TG: variants seen among roughly 807,000 people sequenced by gnomAD.
The protein encoded by TG is thyroid hormones.
Under a neutral mutation model 324.7 loss-of-function variants are expected in TG, and 270 were observed. The observed-to-expected ratio is 0.83, with a 90% CI of 0.75 to 0.92. The LOEUF (loss-of-function observed/expected upper bound fraction) is 0.92, where lower values mean the gene tolerates loss of function less well. Among genes scored for constraint, TG ranks in the 40% least tolerant of loss-of-function variants. The pLI is 0.00. For synonymous variants in TG, 1,401 were observed against 1,327.0 expected, an observed-to-expected ratio of 1.06 and a Z score of -1.21; for missense variants, 3,591 against 3,456.4, an observed-to-expected ratio of 1.04 and a Z score of -0.98.
intron 43 of TG, among the ~76,000 whole-genome samples, chr8:133,097,143 G>A (rs926199673): frequency 4.6e-5 from 7 of 152,214 alleles, no homozygotes; most frequent in Non-Finnish European, 7.3e-5. Context: ...ACCTTCCCCT[G>A]CACATGCATG....
At chr8:133,100,116 A>G (rs1324139149) in intron 43 of TG, among the ~76,000 whole-genome samples, 1 of 152,140 alleles carries the variant, frequency 6.6e-6, no homozygotes, top group Non-Finnish European at 1.5e-5. Context: ...CTCTTGGCTC[A>G]CTGGTTTATC....
intron 18 of TG, among the ~76,000 whole-genome samples, chr8:132,909,327 G>A (rs1409217849): frequency 6.6e-6 from 1 of 152,202 alleles, no homozygotes; most frequent in Admixed American, 6.5e-5. Context: ...TGGGAAGATG[G>A]AGGTGTTGAG....
chr8:132,898,808 C>T lies in TG; in HGVS notation c.3228C>T (p.Thr1076=). The change falls in exon 14 of 48, where the codon ACC becomes ACT. Residue 1076 remains threonine, a synonymous_variant. Coordinates refer to ENST00000220616, the MANE Select transcript of TG (RefSeq NM_003235.5). ...RSLQIPQCPT[T]CEKSRTSGLL... ...CTCTCTCTCCCACAGGCCCGACAAC[C>T]TGCGAGAAATCTCGAACCAGTGGGC... is the stretch of plus-strand genomic sequence containing the variant. 6.2e-7 allele frequency: 1 copy of T among 1,614,140 alleles called. No homozygotes were observed. The highest frequency in any genetic ancestry group is 8.5e-7 in the Non-Finnish European group (1 of 1,180,012).
chr8:133,016,490 G>A (rs72727491), intron 37 of TG, among the ~76,000 whole-genome samples: 5,453 of 152,242 alleles, frequency 0.036, 149 homozygotes, highest in Middle Eastern at 0.061. Context: ...AAGCTCCTGC[G>A]GAGTAGATGG....
At chr8:132,877,724 G>T (rs1814031475) in intron 5 of TG, among the ~76,000 whole-genome samples, 1 of 152,166 alleles carries the variant, frequency 6.6e-6, no homozygotes, top group Non-Finnish European at 1.5e-5. Context: ...GCTAGCATTT[G>T]CTTTCTTGAG....
rs761550779 is a variant in TG, at chr8:132,887,142, T to C, written c.1770T>C (p.Asp590=). ...FLQHAISVPE[D]VARDLGDVME... is the part of the protein sequence containing the mutation. ...AACATGCTATCTCTGTGCCAGAAGA[T>C]GTGGCAAGAGATTTAGGTGATGTGA... is the stretch of plus-strand genomic sequence containing the variant. Residue 590 remains aspartate (D), a synonymous_variant, in exon 9 of 48, where the codon GAT becomes GAC. Coordinates refer to ENST00000220616, the MANE Select transcript of TG (RefSeq NM_003235.5). The C allele has an allele frequency of 1.2e-6, 2 of 1,614,168 alleles. No homozygotes were observed. The highest frequency in any genetic ancestry group is 1.7e-6 in the Non-Finnish European group (2 of 1,180,020).
At chr8:132,941,567 G>T in intron 26 of TG, 25 bp downstream of exon 26, 2 of 1,613,960 alleles carry the variant, frequency 1.2e-6, no homozygotes, top group Non-Finnish European at 1.7e-6. Context: ...GAGGGCCAGG[G>T]CCTAACAAGG....
chr8:133,038,771 GAA>G (rs752784424), intron 41 of TG: 1 of 1,454,426 alleles, frequency 6.9e-7, no homozygotes, highest in Non-Finnish European at 9.6e-7. Flanking sequence ...TAGAGAAAGG[GAA>G]AAAAAGAGAG....
intron 20 of TG, among the ~76,000 whole-genome samples, chr8:132,918,629 A>T (rs1436768482): frequency 6.6e-6 from 1 of 152,136 alleles, no homozygotes; most frequent in Non-Finnish European, 1.5e-5. Flanking sequence ...AGGTGGCTGG[A>T]TTGGTGGAAG....
At chr8:133,007,499 C>T (rs1834124248) in intron 35 of TG, among the ~76,000 whole-genome samples, 1 of 152,014 alleles carries the variant, frequency 6.6e-6, no homozygotes, top group Non-Finnish European at 1.5e-5. Context: ...AGAATTAGAC[C>T]AGACTGAGTA....
At chr8:133,047,441 A>T in intron 41 of TG, 1 of 204,960 alleles carries the variant, frequency 4.9e-6, no homozygotes, top group Non-Finnish European at 1.0e-5. Context: ...TTCACAGATG[A>T]GAAAACTGAG....
At position 133,128,098 on chromosome 8, in the gene TG, C is replaced by T. The variant is rs146440327; in HGVS notation, c.7863-3714C>T. On this transcript the variant is annotated intron_variant, in intron 45 of 47. Transcript: ENST00000220616. ...ACTTGATAGATACCTACCTATCTAT[C>T]GTACAACTCACAACATTTTATTTTT... Among the ~76,000 whole-genome samples, 297 of 152,212 alleles carry T rather than the reference C, an allele frequency of 2.0e-3. 1 individual carries two copies. In the Middle Eastern group the frequency reaches 0.027, roughly 14 times the overall value.
chr8:133,127,019 A>G (rs1040769498), intron 45 of TG, among the ~76,000 whole-genome samples: 2 of 152,146 alleles, frequency 1.3e-5, no homozygotes, highest in South Asian at 2.1e-4. Context: ...AAATCAGTCC[A>G]TTCAGATGGG....
intron 43 of TG, among the ~76,000 whole-genome samples, chr8:133,112,155 CACCCAGGAGGGACTGTGCTT>C (rs1328134086): frequency 7.2e-6 from 1 of 139,682 alleles, no homozygotes; most frequent in African/African-American, 2.7e-5. Flanking sequence ...GGGCTGTTCC[CACCCAGGAGGGACTGTGCTT>C]ACCCAGGAGG....
chr8:132,913,248 A>G lies in TG; in HGVS notation c.4361A>G (p.Gln1454Arg). 1 of 1,614,166 alleles carries G rather than the reference A, an allele frequency of 6.2e-7. No individual in the cohort carries two copies. Among genetic ancestry groups the G allele is most frequent in the Non-Finnish European group, 8.5e-7 (1 of 1,180,018 alleles). ...CAAGTCTTGACAAGTGAGGCCAGTCAGGACGGACTGGGATGCGGTAGGTCC... is the reference window on the plus strand; with the variant it reads ...CAAGTCTTGACAAGTGAGGCCAGTCGGGACGGACTGGGATGCGGTAGGTCC... ...FYQVLTSEAS[Q>R]DGLGCVKCPE... The change falls in exon 20 of 48, where the codon CAG becomes CGG. Residue 1454 changes from glutamine (Q) to arginine (R), a missense_variant. Gln to Arg is a conservative substitution (Grantham distance 43). Transcript: ENST00000220616.
At chr8:132,998,496 A>T (rs571241574) in intron 35 of TG, among the ~76,000 whole-genome samples, 2 of 152,174 alleles carry the variant, frequency 1.3e-5, no homozygotes, top group African/African-American at 4.8e-5. Flanking sequence ...AGCTGCAGGG[A>T]AAGAGAGCCC....
At chr8:132,873,292 G>C in intron 5 of TG, 71 bp downstream of exon 5, 1 of 1,581,130 alleles carries the variant, frequency 6.3e-7, no homozygotes, top group Non-Finnish European at 8.6e-7. Context: ...TTGAGCTGGG[G>C]GCCTCCATGT....
chr8:132,911,483 C>T lies in TG; in HGVS notation c.4109C>T (p.Ser1370Leu). 6.2e-7 allele frequency: 1 copy of T among 1,614,142 alleles called. No homozygotes were observed. Among genetic ancestry groups the T allele is most frequent in the Non-Finnish European group, 8.5e-7 (1 of 1,180,028 alleles). The stretch of plus-strand genomic sequence containing the variant: ...TTAGGAGTGAATGTTACATGGAAAT[C>T]ACGGCTTGAGGACATCCCAGTGGCT... Reference protein sequence around the residue: ...ERLGVNVTWKSRLEDIPVASL... With the variant: ...ERLGVNVTWKLRLEDIPVASL... The change falls in exon 19 of 48, where the codon TCA becomes TTA. Residue 1370 changes from serine to leucine, a missense_variant. Coordinates refer to ENST00000220616, the MANE Select transcript of TG (RefSeq NM_003235.5).
chr8:132,961,214 A>G (rs539112381), intron 28 of TG, 141 bp downstream of exon 28: 1 of 867,712 alleles, frequency 1.2e-6, no homozygotes, highest in Non-Finnish European at 1.9e-6. Flanking sequence ...TTTCTGTGGA[A>G]TAGAAGGGCT....
Sources: allele counts gnomAD v4.1 joint callset (sites outside exome capture counted in the v4.1 genomes callset), GRCh38; gene constraint gnomAD v4.1.1; transcripts MANE v1.5; gene names NCBI Gene and HGNC (gene_info 2026-07-23, HGNC 2026-07-21).